The following DRD4 variants were observed in gnomAD, a reference collection of about 807,000 sequenced individuals.
DRD4 encodes the protein dopamine receptor D4.
DRD4 carries 26 observed loss-of-function variants against 22.1 expected under a neutral mutation model. The observed-to-expected ratio is 1.17, with a 90% CI of 0.86 to 1.63. DRD4 has a LOEUF of 1.63. Among genes scored for constraint, DRD4 ranks in the 40% most tolerant of loss-of-function variants. DRD4 has a pLI of 0.00. For missense variants in DRD4, 913 were observed against 632.4 expected (o/e 1.44, Z -4.76); for synonymous variants, 455 against 306.7 (o/e 1.48, Z -5.05).
chr11:640,683 T>TA lies in DRD4; in HGVS notation c.*82dup. 1 of 1,511,454 alleles carries TA rather than the reference T, an allele frequency of 6.6e-7. No homozygotes were observed. Among genetic ancestry groups the TA allele is most frequent in the Non-Finnish European group, 9.0e-7 (1 of 1,108,106 alleles). The allele number at this position is 1,511,454 out of a possible 1,614,324, so 93.6% of individuals were successfully genotyped here. On this transcript the variant is annotated 3_prime_UTR_variant, in exon 4 of 4. Transcript: ENST00000176183. ...AGATGGGGAGGGCGCTTTTGTACGT[T>TA]AATTAAACAAATTCCTTCCCAAACT...
At chr11:638,991 C>G (rs555994076) in intron 1 of DRD4, 41 of 170,974 alleles carry the variant, frequency 2.4e-4, no homozygotes, top group Non-Finnish European at 3.4e-4. Context: ...GCTGAGGCGG[C>G]AGAATCGCTT....
In DRD4 at chr11:639,717, C is replaced by T. The variant is rs376775543; in HGVS notation, c.468C>T (p.Ile156=). 377 of 1,503,242 alleles carry T rather than the reference C, an allele frequency of 2.5e-4. 3 individuals carry two copies. The highest frequency in any genetic ancestry group is 2.2e-3 in the East Asian group (83 of 37,080). 93.1% of individuals were successfully genotyped at this position (1,503,242 alleles called of 1,614,324 possible). ...QGGSRRQLLL[I]GATWLLSAAV... ...GGAGCCGCCGGCAGCTGCTGCTCAT[C>T]GGCGCCACGTGGCTGCTGTCCGCGG... Residue 156 remains isoleucine, a synonymous_variant, in exon 3 of 4, where the codon ATC becomes ATT. Coordinates refer to ENST00000176183, the MANE Select transcript of DRD4 (RefSeq NM_000797.4).
At position 640,262 on chromosome 11, in the gene DRD4, C is replaced by A. The variant is rs1858198497; in HGVS notation, c.1013C>A (p.Thr338Asn). The A allele has an allele frequency of 9.1e-6, 14 of 1,533,622 alleles. No homozygotes were observed. Among genetic ancestry groups the A allele is most frequent in the Non-Finnish European group, 1.2e-5 (14 of 1,146,758 alleles). ...QTRRRRRAKI[T>N]GRERKAMRVL... ...CGCAGGAGGCGGCGTGCCAAGATCA[C>A]CGGCCGGGAGCGCAAGGCCATGAGG... The change falls in exon 3 of 4, where the codon ACC (threonine) becomes AAC (asparagine). Residue 338 changes from threonine (T) to asparagine (N), a missense_variant. Transcript: ENST00000176183.
Position 639,493 on chromosome 11 carries a change from G to A in DRD4, c.346G>A (p.Val116Ile), listed in dbSNP as rs757021961. The change falls in exon 2 of 4, where the codon GTC becomes ATC. Residue 116 changes from valine (V) to isoleucine (I), a missense_variant. By Grantham distance (29) the Val-to-Ile change is conservative. Coordinates refer to ENST00000176183, the MANE Select transcript of DRD4 (RefSeq NM_000797.4). ...RLCDALMAMD[V>I]MLCTASIFNL... The stretch of plus-strand genomic sequence containing the variant: ...GTGCGACGCCCTCATGGCCATGGAC[G>A]TCATGCTGTGCACCGCCTCCATCTT... 6 of 1,603,702 alleles carry A rather than the reference G, an allele frequency of 3.7e-6. No homozygotes were observed. Among genetic ancestry groups the A allele is most frequent in the South Asian group, 2.2e-5 (2 of 90,822 alleles).
chr11:638,424 C>T (rs1402849379), intron 1 of DRD4, among the ~76,000 whole-genome samples: 1 of 152,186 alleles, frequency 6.6e-6, no homozygotes, highest in Non-Finnish European at 1.5e-5. Context: ...ACAGTGACGA[C>T]GTTTAAGCTC....
Position 639,466 on chromosome 11 carries a change from C to G in DRD4, c.319C>G (p.Leu107Val). ...TGGCGCGTGGCTGCTGAGCCCCCGC[C>G]TGTGCGACGCCCTCATGGCCATGGA... is the stretch of plus-strand genomic sequence containing the variant. Reference protein sequence around the residue: ...QGGAWLLSPRLCDALMAMDVM... With the variant: ...QGGAWLLSPRVCDALMAMDVM... The change falls in exon 2 of 4, where the codon CTG becomes GTG. Residue 107 changes from leucine to valine, a missense_variant. Physicochemically the swap from Leu to Val is conservative, Grantham distance 32. Transcript: ENST00000176183. 1 of 1,601,710 alleles carries G rather than the reference C, an allele frequency of 6.2e-7. No homozygotes were observed. Among genetic ancestry groups the G allele is most frequent in the Non-Finnish European group, 8.5e-7 (1 of 1,178,798 alleles).
At position 640,401 on chromosome 11, in the gene DRD4, G is replaced by A. The variant is rs1473051053; in HGVS notation, c.1058G>A (p.Gly353Glu). ...CTAACGCGGCTCTCGGCGCCCCCAG[G>A]GGCCTTCCTGCTGTGCTGGACGCCC... ...KAMRVLPVVV[G>E]AFLLCWTPFF... is the part of the protein sequence containing the mutation. Residue 353 changes from glycine to glutamate, a missense_variant and splice_region_variant, in exon 4 of 4, where the codon GGG becomes GAG. By Grantham distance (98) the Gly-to-Glu change is moderately conservative. Coordinates refer to ENST00000176183, the MANE Select transcript of DRD4 (RefSeq NM_000797.4). 2.5e-6 allele frequency: 4 copies of A among 1,598,820 alleles called. No individual in the cohort carries two copies. Among genetic ancestry groups the A allele is most frequent in the Non-Finnish European group, 3.4e-6 (4 of 1,179,424 alleles).
At position 639,433 on chromosome 11, in the gene DRD4, G is replaced by A; in HGVS notation, c.286G>A (p.Val96Ile). ...LVLPLFVYSE[V>I]QGGAWLLSPR... Reference sequence around the variant, plus strand: ...CAGGGCCTGTGGTGTCGCCGCGCAGGTCCAGGGTGGCGCGTGGCTGCTGAG... The same window carrying A: ...CAGGGCCTGTGGTGTCGCCGCGCAGATCCAGGGTGGCGCGTGGCTGCTGAG... Residue 96 changes from valine to isoleucine, a missense_variant and splice_region_variant, in exon 2 of 4, where the codon GTC (valine) becomes ATC (isoleucine). By Grantham distance (29) the Val-to-Ile change is conservative (BLOSUM62 3). Coordinates refer to ENST00000176183, the MANE Select transcript of DRD4 (RefSeq NM_000797.4). The A allele has an allele frequency of 6.3e-7, 1 of 1,590,204 alleles. No homozygotes were observed. Among genetic ancestry groups the A allele is most frequent in the Non-Finnish European group, 8.5e-7 (1 of 1,175,496 alleles).
rs922314101 is a variant in DRD4 at position 640,647 on chromosome 11, A to G, written c.*44A>G. 2 of 1,593,816 alleles carry G rather than the reference A, an allele frequency of 1.3e-6. No individual in the cohort carries two copies. The highest frequency in any genetic ancestry group is 2.2e-5 in the South Asian group (2 of 90,954). On this transcript the variant is annotated 3_prime_UTR_variant, in exon 4 of 4. Transcript: ENST00000176183. ...CCCCCCGGCCTGATGGCCAGGCCTC[A>G]GGGACCAAGGAGATGGGGAGGGCGC...
chr11:637,861 C>T (rs1056712115), intron 1 of DRD4, among the ~76,000 whole-genome samples: 1 of 152,250 alleles, frequency 6.6e-6, no homozygotes, highest in Non-Finnish European at 1.5e-5. Context: ...GCCCGTCCTT[C>T]TATCCAGGGA....
Position 639,760 on chromosome 11 carries a change from C to A in DRD4, c.511C>A (p.Leu171Met), listed in dbSNP as rs1858163449. ...LLSAAVAAPV[L>M]CGLNDVRGRD... ...GTCCGCGGCGGTGGCGGCGCCCGTACTGTGCGGCCTCAACGACGTGCGCGG... is the reference window on the plus strand; with the variant it reads ...GTCCGCGGCGGTGGCGGCGCCCGTAATGTGCGGCCTCAACGACGTGCGCGG... Residue 171 changes from leucine (L) to methionine (M), a missense_variant, in exon 3 of 4, where the codon CTG becomes ATG. Transcript: ENST00000176183. The A allele has an allele frequency of 6.4e-7, 1 of 1,565,854 alleles. No homozygotes were observed. The highest frequency in any genetic ancestry group is 8.6e-7 in the Non-Finnish European group (1 of 1,165,556).
chr11:640,504 G>A lies in DRD4; in HGVS notation c.1161G>A (p.Trp387Ter). 1.2e-6 allele frequency: 2 copies of A among 1,601,244 alleles called. No homozygotes were observed. The highest frequency in any genetic ancestry group is 8.5e-7 in the Non-Finnish European group (1 of 1,179,650). ...VPPRLVSAVT[W>*]LGYVNSALNP... ...CGCGGCTGGTCAGCGCCGTCACCTG[G>A]CTGGGCTACGTCAACAGCGCCCTCA... The change falls in exon 4 of 4, where the codon TGG (tryptophan) becomes TGA (stop). Residue 387 changes from tryptophan to a stop codon, truncating the protein, a stop_gained. Coordinates refer to ENST00000176183, the MANE Select transcript of DRD4 (RefSeq NM_000797.4). LOFTEE classifies it high-confidence loss of function.
chr11:638,760 G>GC (rs1436108705), intron 1 of DRD4, among the ~76,000 whole-genome samples: 1 of 152,060 alleles, frequency 6.6e-6, no homozygotes, highest in African/African-American at 2.4e-5. Context: ...TATCAGGCCC[G>GC]CCCCCAGGGA....
In DRD4 at chr11:639,859, C is replaced by T. The variant is rs1858169001; in HGVS notation, c.610C>T (p.Pro204Ser). The change falls in exon 3 of 4, where the codon CCC (proline) becomes TCC (serine). Residue 204 changes from proline to serine, a missense_variant. Pro to Ser is a moderately conservative substitution (Grantham distance 74). Transcript: ENST00000176183. ...VYSSVCSFFL[P>S]CPLMLLLYWA... ...CTCGTCCGTGTGCTCCTTCTTCCTA[C>T]CCTGCCCGCTCATGCTGCTGCTCTA... 6.3e-7 allele frequency: 1 copy of T among 1,586,132 alleles called. No individual in the cohort carries two copies. The highest frequency in any genetic ancestry group is 8.5e-7 in the Non-Finnish European group (1 of 1,173,834).
In DRD4 at chr11:639,749, C is replaced by T. The variant is rs753633060; in HGVS notation, c.500C>T (p.Ala167Val). ...GATWLLSAAV[A>V]APVLCGLNDV... ...ACGTGGCTGCTGTCCGCGGCGGTGG[C>T]GGCGCCCGTACTGTGCGGCCTCAAC... Residue 167 changes from alanine to valine, a missense_variant, in exon 3 of 4, where the codon GCG becomes GTG. By Grantham distance (64) the Ala-to-Val change is moderately conservative. Transcript: ENST00000176183. The T allele has an allele frequency of 2.7e-5, 42 of 1,540,868 alleles. No homozygotes were observed. The highest frequency in any genetic ancestry group is 9.5e-6 in the Non-Finnish European group (11 of 1,153,310).
At position 639,625 on chromosome 11, in the gene DRD4, C is replaced by T. The variant is rs755917244; in HGVS notation, c.399-23C>T. The T allele has an allele frequency of 2.7e-5, 38 of 1,409,810 alleles. 1 individual carries two copies. The Middle Eastern group carries it at 6.8e-4, about 25-fold the overall frequency. 87.3% of individuals were successfully genotyped at this position (1,409,810 alleles called of 1,614,324 possible). The stretch of plus-strand genomic sequence containing the variant: ...TCACCGCGGCCTGTGCGCTGTCCGG[C>T]GCCCCCTCGGCGCTCCCCGCAGGTT... On this transcript the variant is annotated intron_variant, in intron 2 of 3. Coordinates refer to ENST00000176183, the MANE Select transcript of DRD4 (RefSeq NM_000797.4).
intron 1 of DRD4, among the ~76,000 whole-genome samples, chr11:638,119 G>T (rs1474428509): frequency 1.1e-4 from 16 of 152,218 alleles, no homozygotes; most frequent in Non-Finnish European, 2.4e-4. Flanking sequence ...GGAGGGGAGG[G>T]TGTGTGGGGA....
Position 640,661 on chromosome 11 carries a change from T to TG in DRD4, c.*62dup. The TG allele has an allele frequency of 6.3e-7, 1 of 1,580,352 alleles. No individual in the cohort carries two copies. The highest frequency in any genetic ancestry group is 1.7e-5 in the Admixed American group (1 of 59,546). Reference sequence around the variant, plus strand: ...GGCCAGGCCTCAGGGACCAAGGAGATGGGGAGGGCGCTTTTGTACGTTAAT... The same window carrying TG: ...GGCCAGGCCTCAGGGACCAAGGAGATGGGGGAGGGCGCTTTTGTACGTTAAT... On this transcript the variant is annotated 3_prime_UTR_variant, in exon 4 of 4. Coordinates refer to ENST00000176183, the MANE Select transcript of DRD4 (RefSeq NM_000797.4).
rs779660727 is a variant in DRD4 at position 640,400 on chromosome 11, G to A, written c.1058-1G>A. On this transcript the variant is annotated splice_acceptor_variant, in intron 3 of 3. Coordinates refer to ENST00000176183, the MANE Select transcript of DRD4 (RefSeq NM_000797.4). LOFTEE classifies it high-confidence loss of function. ...GCTAACGCGGCTCTCGGCGCCCCCAGGGGCCTTCCTGCTGTGCTGGACGCC... is the reference window on the plus strand; with the variant it reads ...GCTAACGCGGCTCTCGGCGCCCCCAAGGGCCTTCCTGCTGTGCTGGACGCC... 3.8e-5 allele frequency: 61 copies of A among 1,598,578 alleles called. 1 individual carries two copies. In the South Asian group the frequency reaches 6.0e-4, roughly 16 times the overall value.
Sources: allele counts gnomAD v4.1 joint callset (sites outside exome capture counted in the v4.1 genomes callset), GRCh38; gene constraint gnomAD v4.1.1; transcripts MANE v1.5; gene names NCBI Gene and HGNC (gene_info 2026-07-23, HGNC 2026-07-21).